The following SMARCA2 variants were observed in gnomAD, a reference collection of about 807,000 sequenced individuals.
SMARCA2 encodes SWI/SNF-related matrix-associated actin-dependent regulator of chromatin subfamily A member 2.
Under a neutral mutation model 199.8 loss-of-function variants are expected in SMARCA2, and 61 were observed. That is an observed-to-expected ratio of 0.31 (90% CI 0.25 to 0.38). The LOEUF (loss-of-function observed/expected upper bound fraction) is 0.38, where lower values mean the gene tolerates loss of function less well. Ranked by LOEUF, SMARCA2 falls within the 10% of genes least tolerant of loss-of-function variation. The probability of loss-of-function intolerance (pLI) is 1.00; values close to 1 mark genes in which losing one functional copy is unlikely to be tolerated. For missense variants in SMARCA2, 1,344 were observed against 2,012.2 expected (o/e 0.67, Z 6.35); for synonymous variants, 935 against 732.0 (o/e 1.28, Z -4.48).
At chr9:2,101,482 ATAGG>A (rs1187343794) in intron 21 of SMARCA2, 84 bp from the exon 22 acceptor site, 5 of 656,610 alleles carry the variant, frequency 7.6e-6, no homozygotes, top group African/African-American at 1.9e-5. Context: ...AACTATAGAA[ATAGG>A]TAGGATAACC....
rs1053612153 is a variant in SMARCA2, at chr9:2,056,969, C to T, written c.1347+124C>T. 1.0e-5 allele frequency: 8 copies of T among 799,518 alleles called. No homozygotes were observed. The highest frequency in any genetic ancestry group is 3.5e-5 in the African/African-American group (2 of 57,520). The allele number at this position is 799,518 out of a possible 1,614,324, so 49.5% of individuals were successfully genotyped here. ...GTGGTGGGGACATCACAGAACAGAA[C>T]GGTTCCTTGACATGTACATAATCCA... On this transcript the variant is annotated intron_variant, in intron 7 of 33. Coordinates refer to ENST00000349721, the MANE Select transcript of SMARCA2 (RefSeq NM_003070.5). This position sits in a 1 kb window ranked among gnomAD's most constrained non-coding sequence, Gnocchi z 4.0.
chr9:2,168,652 C>G (rs997162043), intron 28 of SMARCA2, among the ~76,000 whole-genome samples: 1 of 152,214 alleles, frequency 6.6e-6, no homozygotes, highest in African/African-American at 2.4e-5. Flanking sequence ...CACTGGCATT[C>G]ATACTGTCTT....
At chr9:2,140,119 A>G (rs1563796268) in intron 27 of SMARCA2, among the ~76,000 whole-genome samples, 1 of 152,314 alleles carries the variant, frequency 6.6e-6, no homozygotes, top group East Asian at 1.9e-4. Context: ...AGTTCTGCAT[A>G]GACCAAGACC....
At chr9:2,094,758 T>C (rs1294931530) in intron 19 of SMARCA2, among the ~76,000 whole-genome samples, 1 of 152,238 alleles carries the variant, frequency 6.6e-6, no homozygotes, top group Non-Finnish European at 1.5e-5. Flanking sequence ...CTCTTTTGTG[T>C]GTTAAATGAG....
Position 2,032,952 on chromosome 9 carries a change from C to T in SMARCA2, c.226C>T (p.Pro76Ser). The change falls in exon 3 of 34, where the codon CCC (proline) becomes TCC (serine). Residue 76 changes from proline (P) to serine (S), a missense_variant and splice_region_variant. Around this residue, in one of 18 missense-constraint regions of SMARCA2, gnomAD observed 275 missense variants for 247.5 expected, o/e 1.11. Transcript: ENST00000349721. ...PQEGMHQMHK[P>S]IDGIHDKGIV... ...AACTAATGTCCTTTAAATGTTTCAG[C>T]CCATCGATGGTATACATGACAAGGG... 5.6e-6 allele frequency: 9 copies of T among 1,613,276 alleles called. No homozygotes were observed. The highest frequency in any genetic ancestry group is 7.6e-6 in the Non-Finnish European group (9 of 1,179,426).
At chr9:2,029,494 T>C (rs1818970301) in intron 2 of SMARCA2, among the ~76,000 whole-genome samples, 1 of 152,266 alleles carries the variant, frequency 6.6e-6, no homozygotes, top group African/African-American at 2.4e-5. Context: ...TTCTGATAAG[T>C]AGATCCTGTG....
intron 20 of SMARCA2, chr9:2,097,141 A>G (rs1822306643): frequency 8.0e-6 from 4 of 502,714 alleles, no homozygotes; most frequent in Non-Finnish European, 1.4e-5. Flanking sequence ...GCAAAGCCAT[A>G]TCCCTCACTG....
chr9:2,085,217 G>C (rs1563758290), intron 17 of SMARCA2, among the ~76,000 whole-genome samples: 1 of 152,136 alleles, frequency 6.6e-6, no homozygotes, highest in Non-Finnish European at 1.5e-5. Flanking sequence ...GATGAATTTG[G>C]CAGTGTCAAA....
chr9:2,172,238 G>A (rs892986808), intron 29 of SMARCA2, among the ~76,000 whole-genome samples: 1 of 149,936 alleles, frequency 6.7e-6, no homozygotes. Flanking sequence ...ACTGAAAATG[G>A]AAAAAAAAAA....
intron 26 of SMARCA2, among the ~76,000 whole-genome samples, chr9:2,120,032 G>A (rs1042758352): frequency 1.3e-5 from 2 of 152,190 alleles, no homozygotes; most frequent in African/African-American, 4.8e-5. Context: ...GGAGATAGGT[G>A]GACAACAGCT....
In SMARCA2 at chr9:2,110,339, A is replaced by G; in HGVS notation, c.3378A>G (p.Thr1126=). ...AGTATTTCATTTTCTTGCTGAGCACAAGAGCTGGTGGCCTGGGCTTAAATC... is the reference window on the plus strand; with the variant it reads ...AGTATTTCATTTTCTTGCTGAGCACGAGAGCTGGTGGCCTGGGCTTAAATC... ...GSQYFIFLLS[T]RAGGLGLNLQ... The change falls in exon 24 of 34, where the codon ACA becomes ACG. Residue 1126 remains threonine (T), a synonymous_variant. Transcript: ENST00000349721. This position sits in a 1 kb window ranked among gnomAD's most constrained non-coding sequence, Gnocchi z 4.8. 1 of 1,613,820 alleles carries G rather than the reference A, an allele frequency of 6.2e-7. No homozygotes were observed. The highest frequency in any genetic ancestry group is 8.5e-7 in the Non-Finnish European group (1 of 1,179,878).
At position 2,192,732 on chromosome 9, in the gene SMARCA2, A is replaced by G. The variant is rs771664849; in HGVS notation, c.4766A>G (p.Asp1589Gly). ...CAGTCAGAAGGAAGTGGGACGGATGATGAGTGATCAGTATGGACCTTTTTC... is the reference window on the plus strand; with the variant it reads ...CAGTCAGAAGGAAGTGGGACGGATGGTGAGTGATCAGTATGGACCTTTTTC... ...REQSEGSGTDDE is the reference protein window; with the variant it reads ...REQSEGSGTDGE The change falls in exon 34 of 34, where the codon GAT (aspartate) becomes GGT (glycine). Residue 1589 changes from aspartate to glycine, a missense_variant. Around this residue, in one of 18 missense-constraint regions of SMARCA2, gnomAD observed 155 missense variants for 121.1 expected, o/e 1.28. Transcript: ENST00000349721. The G allele has an allele frequency of 1.9e-6, 3 of 1,609,076 alleles. No individual in the cohort carries two copies. The highest frequency in any genetic ancestry group is 1.7e-6 in the Non-Finnish European group (2 of 1,175,416).
rs2129875725 is a variant in SMARCA2, at chr9:2,181,568, C to T, written c.4254-3C>T. 2.0e-6 allele frequency: 3 copies of T among 1,504,700 alleles called. No individual in the cohort carries two copies. Among genetic ancestry groups the T allele is most frequent in the Non-Finnish European group, 2.8e-6 (3 of 1,080,456 alleles). 93.2% of individuals were successfully genotyped at this position (1,504,700 alleles called of 1,614,324 possible). A position where few individuals can be genotyped will look rare whatever the true frequency, so the allele number is the denominator to read the frequency against. ...GTTTTTGTTTGTTTCACCCATCCTA[C>T]AGTTCAGGGCGACAGCTCAGTGAAG... On this transcript the variant is annotated splice_polypyrimidine_tract_variant and splice_region_variant and intron_variant, in intron 29 of 33. Coordinates refer to ENST00000349721, the MANE Select transcript of SMARCA2 (RefSeq NM_003070.5).
intron 27 of SMARCA2, among the ~76,000 whole-genome samples, chr9:2,125,651 G>A (rs533741941): frequency 7.6e-4 from 115 of 152,146 alleles, no homozygotes; most frequent in Non-Finnish European, 1.2e-3. Context: ...CACCATGCCC[G>A]GCTAATTTTT....
chr9:2,157,115 T>C (rs1825407658), intron 27 of SMARCA2, among the ~76,000 whole-genome samples: 1 of 152,228 alleles, frequency 6.6e-6, no homozygotes, highest in Non-Finnish European at 1.5e-5. Context: ...CGTAGCATCT[T>C]TGAGGACGAG....
chr9:2,028,305 G>A (rs1024767345), intron 1 of SMARCA2, among the ~76,000 whole-genome samples: 11 of 152,078 alleles, frequency 7.2e-5, no homozygotes, highest in Non-Finnish European at 1.3e-4. Flanking sequence ...GCTAAATAAG[G>A]GTGGCCGTTT....
chr9:2,184,231 C>G (rs1827263689), intron 31 of SMARCA2, among the ~76,000 whole-genome samples: 1 of 152,112 alleles, frequency 6.6e-6, no homozygotes, highest in African/African-American at 2.4e-5. Context: ...TCCCCAGTTA[C>G]ATTTCTTTTA....
chr9:2,061,048 C>T (rs779875932), intron 9 of SMARCA2, 62 bp downstream of exon 9: 84 of 1,476,758 alleles, frequency 5.7e-5, no homozygotes, highest in East Asian at 1.4e-4. Flanking sequence ...GTTTTTAAGG[C>T]GAGTATTGCT....
intron 4 of SMARCA2, chr9:2,044,488 C>G (rs1386079495): frequency 6.6e-6 from 1 of 152,202 alleles, no homozygotes; most frequent in African/African-American, 2.4e-5. Context: ...TGTGGTTTTT[C>G]TATAAAGCTG....
Sources: allele counts gnomAD v4.1 joint callset (sites outside exome capture counted in the v4.1 genomes callset), GRCh38; gene constraint gnomAD v4.1.1; regional missense constraint gnomAD v4.1.1; non-coding constraint Gnocchi (gnomAD v3.1); transcripts MANE v1.5; gene names NCBI Gene and HGNC (gene_info 2026-07-23, HGNC 2026-07-21).